Variants in TRUB1 observed in about 807,000 individuals in gnomAD.
TRUB1 encodes TruB pseudouridine synthase family member 1.
TRUB1 carries 23 observed loss-of-function variants against 33.9 expected under a neutral mutation model. That is an observed-to-expected ratio of 0.68 (90% CI 0.49 to 0.96). The LOEUF (loss-of-function observed/expected upper bound fraction) is 0.96, where lower values mean the gene tolerates loss of function less well. Among genes scored for constraint, TRUB1 ranks in the 40% least tolerant of loss-of-function variants. The pLI is 0.00. For synonymous variants in TRUB1, 163 were observed against 165.4 expected, an observed-to-expected ratio of 0.99 and a Z score of 0.11; for missense variants, 378 against 422.2, an observed-to-expected ratio of 0.90 and a Z score of 0.92.
intron 2 of TRUB1, among the ~76,000 whole-genome samples, chr10:114,944,150 T>G (rs1263397333): frequency 1.3e-5 from 2 of 152,050 alleles, no homozygotes; most frequent in African/African-American, 4.8e-5. Flanking sequence ...GGGATCCCTC[T>G]CAGTGCCCCC....
intron 4 of TRUB1, among the ~76,000 whole-genome samples, chr10:114,961,854 T>C (rs932018483): frequency 6.6e-6 from 1 of 152,204 alleles, no homozygotes; most frequent in African/African-American, 2.4e-5. Flanking sequence ...ACTTACTGTC[T>C]AATGGAGAAC....
chr10:114,940,732 TG>T (rs1412375061), intron 1 of TRUB1, among the ~76,000 whole-genome samples: 1 of 152,214 alleles, frequency 6.6e-6, no homozygotes, highest in East Asian at 1.9e-4. Flanking sequence ...AGTATATTTA[TG>T]GGGCCTTCTT....
In TRUB1 at chr10:114,942,648, C is replaced by T. The variant is rs1261912927; in HGVS notation, c.290C>T (p.Ala97Val). The T allele has an allele frequency of 6.2e-7, 1 of 1,611,196 alleles. No homozygotes were observed. Among genetic ancestry groups the T allele is most frequent in the South Asian group, 1.1e-5 (1 of 90,948 alleles). ...TTCATCCCCATTTCTCTCATAGAAG[C>T]TGGAATGCCTTCTCCAGAATGGACC... ...NRLKEKLLAE[A>V]GMPSPEWTKR... The change falls in exon 2 of 8, where the codon GCT (alanine) becomes GTT (valine). Residue 97 changes from alanine to valine, a missense_variant. Transcript: ENST00000298746.
chr10:114,960,726 A>T (rs2084281637), intron 4 of TRUB1, among the ~76,000 whole-genome samples: 1 of 152,112 alleles, frequency 6.6e-6, no homozygotes, highest in South Asian at 2.1e-4. Context: ...CAGATGTTGA[A>T]ATATTCTTGG....
chr10:114,976,981 ATGT>A lies in TRUB1; in HGVS notation c.*1603_*1605del. 6.6e-6 allele frequency: 1 copy of A among 152,308 alleles called. No individual in the cohort carries two copies. The highest frequency in any genetic ancestry group is 1.9e-4 in the East Asian group (1 of 5,184). The allele number at this position is 152,308 out of a possible 1,614,324, so 9.4% of individuals were successfully genotyped here. ...CTGTTGGACTGGTACAGGTTACAATATGTCCTCTTCCATTGCAAATTAAAGTCC... is the reference window on the plus strand; with the variant it reads ...CTGTTGGACTGGTACAGGTTACAATACCTCTTCCATTGCAAATTAAAGTCC... On this transcript the variant is annotated 3_prime_UTR_variant, in exon 8 of 8. Transcript: ENST00000298746.
intron 4 of TRUB1, 96 bp downstream of exon 4, chr10:114,959,903 A>C (rs753512060): frequency 1.4e-6 from 1 of 717,184 alleles, no homozygotes; most frequent in South Asian, 1.9e-5. Context: ...ATTATCAGCC[A>C]TTTTAATTCT....
chr10:114,974,124 T>C (rs2084349452), intron 6 of TRUB1, among the ~76,000 whole-genome samples: 1 of 152,216 alleles, frequency 6.6e-6, no homozygotes, highest in African/African-American at 2.4e-5. Context: ...CATGAGTTTG[T>C]GCTGTTTGCT....
intron 3 of TRUB1, among the ~76,000 whole-genome samples, chr10:114,951,781 T>C (rs2084236608): frequency 6.6e-6 from 1 of 152,138 alleles, no homozygotes; most frequent in African/African-American, 2.4e-5. Flanking sequence ...AATTAGGTGC[T>C]GGTTATAAGT....
chr10:114,942,538 C>T, intron 1 of TRUB1, 107 bp from the exon 2 acceptor site: 1 of 700,382 alleles, frequency 1.4e-6, no homozygotes, highest in African/African-American at 1.8e-5. Context: ...TTGTATAATA[C>T]TTTTTGTTTG....
intron 4 of TRUB1, among the ~76,000 whole-genome samples, chr10:114,967,478 T>C (rs2084315220): frequency 6.6e-6 from 1 of 152,232 alleles, no homozygotes; most frequent in African/African-American, 2.4e-5. Context: ...ACTATGATGT[T>C]GTGAGTTCAC....
intron 1 of TRUB1, among the ~76,000 whole-genome samples, chr10:114,940,031 G>A (rs1421573581): frequency 6.6e-6 from 1 of 152,110 alleles, no homozygotes; most frequent in African/African-American, 2.4e-5. Context: ...TATATTGCTT[G>A]TGATTGGCCT....
intron 4 of TRUB1, among the ~76,000 whole-genome samples, chr10:114,969,929 G>A (rs1008075906): frequency 6.6e-6 from 1 of 152,104 alleles, no homozygotes; most frequent in Non-Finnish European, 1.5e-5. Context: ...GCCACATTAA[G>A]TTATTTACAA....
intron 3 of TRUB1, among the ~76,000 whole-genome samples, chr10:114,956,556 C>A (rs374590278): frequency 3.9e-5 from 6 of 152,152 alleles, no homozygotes; most frequent in Admixed American, 2.0e-4. Context: ...TAACTAGATG[C>A]CAGGACAAGG....
intron 4 of TRUB1, among the ~76,000 whole-genome samples, chr10:114,964,612 A>G (rs1386311525): frequency 6.6e-6 from 1 of 152,082 alleles, no homozygotes; most frequent in African/African-American, 2.4e-5. Context: ...TTGACTCTAA[A>G]AGTGTGAAGA....
In TRUB1 at chr10:114,974,313, A is replaced by G. The variant is rs761513022; in HGVS notation, c.737-16A>G. On this transcript the variant is annotated splice_polypyrimidine_tract_variant and intron_variant, in intron 6 of 7. Coordinates refer to ENST00000298746, the MANE Select transcript of TRUB1 (RefSeq NM_139169.5). ...TAGGAGGTTAGCAATTTACTATGTC[A>G]CTGTTAACATTCCAGATGTTGAATG... is the stretch of plus-strand genomic sequence containing the variant. The G allele has an allele frequency of 6.2e-7, 1 of 1,608,592 alleles. No individual in the cohort carries two copies. The highest frequency in any genetic ancestry group is 1.1e-5 in the South Asian group (1 of 90,740).
intron 2 of TRUB1, among the ~76,000 whole-genome samples, chr10:114,943,456 G>A (rs1592047886): frequency 6.6e-6 from 1 of 152,238 alleles, no homozygotes; most frequent in South Asian, 2.1e-4. Flanking sequence ...CTTGAACCTG[G>A]GAGGCAGAGT....
At chr10:114,959,190 T>G (rs2143021858) in intron 3 of TRUB1, among the ~76,000 whole-genome samples, 1 of 152,354 alleles carries the variant, frequency 6.6e-6, no homozygotes, top group African/African-American at 2.4e-5. Context: ...ATTCTGTGAC[T>G]ATACTGGTTT....
At chr10:114,949,763 G>A (rs141688519) in intron 2 of TRUB1, among the ~76,000 whole-genome samples, 5 of 152,098 alleles carry the variant, frequency 3.3e-5, no homozygotes, top group Middle Eastern at 3.4e-3. Flanking sequence ...AAAGGAAGGG[G>A]GGTCTGTTCT....
chr10:114,958,180 A>C (rs1199862775), intron 3 of TRUB1, among the ~76,000 whole-genome samples: 2 of 152,196 alleles, frequency 1.3e-5, no homozygotes, highest in Admixed American at 1.3e-4. Context: ...CTGTGCTGTT[A>C]CCATTGTTGT....
Sources: allele counts gnomAD v4.1 joint callset (sites outside exome capture counted in the v4.1 genomes callset), GRCh38; gene constraint gnomAD v4.1.1; transcripts MANE v1.5; gene names NCBI Gene and HGNC (gene_info 2026-07-23, HGNC 2026-07-21).